The following CTNNB1 variants were observed in gnomAD, a reference collection of about 807,000 sequenced individuals.
CTNNB1 encodes catenin beta-1.
CTNNB1 carries 6 observed loss-of-function variants against 82.5 expected under a neutral mutation model. The observed-to-expected ratio is 0.07, with a 90% CI of 0.04 to 0.14. CTNNB1 has a LOEUF of 0.14. Ranked by LOEUF, CTNNB1 falls within the 10% of genes least tolerant of loss-of-function variation. The probability of loss-of-function intolerance (pLI) is 1.00; values close to 1 mark genes in which losing one functional copy is unlikely to be tolerated. For synonymous variants in CTNNB1, 312 were observed against 329.7 expected (o/e 0.95, Z 0.58); for missense variants, 529 against 980.4 (o/e 0.54, Z 6.15).
chr3:41,234,106 A>C, intron 9 of CTNNB1, 33 bp from the exon 10 acceptor site: 1 of 1,613,922 alleles, frequency 6.2e-7, no homozygotes, highest in Non-Finnish European at 8.5e-7. Flanking sequence ...GATTTTGTTG[A>C]GTTGTATGCC....
Position 41,240,162 on chromosome 3 carries a change from G to A in CTNNB1, c.*820G>A, listed in dbSNP as rs1349631656. On this transcript the variant is annotated 3_prime_UTR_variant, in exon 15 of 15. Transcript: ENST00000349496. The stretch of plus-strand genomic sequence containing the variant: ...AATCTGAATAAAGTGTAACAATTGT[G>A]TAGCCTTTTTGTATAAAATAGACAA... 2 of 205,586 alleles carry A rather than the reference G, an allele frequency of 9.7e-6. No individual in the cohort carries two copies. The highest frequency in any genetic ancestry group is 2.0e-5 in the Non-Finnish European group (2 of 100,360). The allele number at this position is 205,586 out of a possible 1,614,324, so 12.7% of individuals were successfully genotyped here.
At position 41,237,186 on chromosome 3, in the gene CTNNB1, A is replaced by G. The variant is rs140920922; in HGVS notation, c.2076+477A>G. ...AACATCCTGATATTTTATCCATTCT[A>G]TAGAGATCATTGATGGTACACAGAC... On this transcript the variant is annotated intron_variant, in intron 13 of 14. Coordinates refer to ENST00000349496, the MANE Select transcript of CTNNB1 (RefSeq NM_001904.4). 2.1e-4 allele frequency: 43 copies of G among 200,858 alleles called. No individual in the cohort carries two copies. The East Asian group carries it at 5.5e-3, about 26-fold the overall frequency. The allele number at this position is 200,858 out of a possible 1,614,324, so 12.4% of individuals were successfully genotyped here.
chr3:41,231,284 G>A (rs1228902717), intron 7 of CTNNB1, among the ~76,000 whole-genome samples: 2 of 150,688 alleles, frequency 1.3e-5, no homozygotes, highest in African/African-American at 2.4e-5. Flanking sequence ...CTGAGATAGC[G>A]CCACTGCACT....
intron 13 of CTNNB1, 128 bp downstream of exon 13, chr3:41,236,837 C>T (rs1220152248): frequency 1.6e-6 from 2 of 1,257,078 alleles, no homozygotes; most frequent in South Asian, 2.4e-5. Flanking sequence ...AGTATTTCTT[C>T]TTTATGCTGT....
At chr3:41,227,115 T>G in intron 6 of CTNNB1, 93 bp from the exon 7 acceptor site, 1 of 1,130,292 alleles carries the variant, frequency 8.8e-7, no homozygotes, top group South Asian at 1.3e-5. Context: ...TGGCTGAAAT[T>G]CTTGTATAAT....
chr3:41,200,917 A>G (rs2077515538), intron 1 of CTNNB1, among the ~76,000 whole-genome samples: 1 of 152,220 alleles, frequency 6.6e-6, no homozygotes, highest in African/African-American at 2.4e-5. Flanking sequence ...GAATGAAGAA[A>G]GACTAGGCTG....
At chr3:41,230,224 A>G (rs2125633027) in intron 7 of CTNNB1, among the ~76,000 whole-genome samples, 1 of 152,288 alleles carries the variant, frequency 6.6e-6, no homozygotes, top group East Asian at 1.9e-4. Context: ...GAATGAGGGG[A>G]TGGGATGTAA....
intron 8 of CTNNB1, 30 bp downstream of exon 8, chr3:41,233,474 A>C: frequency 6.2e-7 from 1 of 1,613,518 alleles, no homozygotes; most frequent in Non-Finnish European, 8.5e-7. Flanking sequence ...GTGCCATGGG[A>C]ATAGAGTCAA....
At chr3:41,235,656 T>C (rs2078417226) in intron 10 of CTNNB1, 68 bp from the exon 11 acceptor site, 1 of 1,601,028 alleles carries the variant, frequency 6.2e-7, no homozygotes. Context: ...ATAATTACAG[T>C]CTAATAATTG....
Position 41,202,601 on chromosome 3 carries a change from C to T in CTNNB1, c.-49+2931C>T, listed in dbSNP as rs572012632. Reference sequence around the variant, plus strand: ...GTTTGTCCATCGTATGTAGCCATTGCCTCCTTGTACTCTCATTGAGAAGAT... The same window carrying T: ...GTTTGTCCATCGTATGTAGCCATTGTCTCCTTGTACTCTCATTGAGAAGAT... On this transcript the variant is annotated intron_variant, in intron 1 of 14. Transcript: ENST00000349496. Among the ~76,000 whole-genome samples the T allele has an allele frequency of 1.6e-4, 24 of 152,238 alleles. No homozygotes were observed. In the South Asian group the frequency reaches 4.4e-3, roughly 28 times the overall value.
At chr3:41,206,502 T>C (rs2077652207) in intron 1 of CTNNB1, among the ~76,000 whole-genome samples, 1 of 151,928 alleles carries the variant, frequency 6.6e-6, no homozygotes, top group Non-Finnish European at 1.5e-5. Context: ...TTCTTGGGAG[T>C]GCAATTTGAA....
Position 41,234,285 on chromosome 3 carries a change from G to A in CTNNB1, c.1671G>A (p.Gln557=), listed in dbSNP as rs2078379565. The change falls in exon 10 of 15, where the codon CAG becomes CAA. Residue 557 remains glutamine (Q), a synonymous_variant. Coordinates refer to ENST00000349496, the MANE Select transcript of CTNNB1 (RefSeq NM_001904.4). The part of the protein sequence containing the change: ...TQRRTSMGGT[Q]QQFVEGVRME... ...GCCGTACGTCCATGGGTGGGACACA[G>A]CAGCAATTTGTGGTAGGTAAATTCT... is the stretch of plus-strand genomic sequence containing the variant. 5.0e-6 allele frequency: 8 copies of A among 1,614,060 alleles called. No homozygotes were observed. Among genetic ancestry groups the A allele is most frequent in the Non-Finnish European group, 6.8e-6 (8 of 1,180,024 alleles).
rs746131235 is a variant in CTNNB1, at chr3:41,233,588, T to C, written c.1245T>C (p.Asn415=). 6.2e-7 allele frequency: 1 copy of C among 1,614,186 alleles called. No homozygotes were observed. The highest frequency in any genetic ancestry group is 1.1e-5 in the South Asian group (1 of 91,078). Residue 415 remains asparagine (N), a synonymous_variant, in exon 9 of 15, where the codon AAT becomes AAC. Transcript: ENST00000349496. ...LVQLLGSDDI[N]VVTCAAGILS... The stretch of plus-strand genomic sequence containing the variant: ...AGCTTCTGGGTTCAGATGATATAAA[T>C]GTGGTCACCTGTGCAGCTGGAATTC...
intron 10 of CTNNB1, chr3:41,234,968 C>T (rs1212913382): frequency 6.4e-6 from 1 of 155,502 alleles, no homozygotes; most frequent in Non-Finnish European, 1.4e-5. Context: ...TGTATGTACT[C>T]ATATTGGGGC....
At chr3:41,215,542 T>C (rs1387803836) in intron 1 of CTNNB1, among the ~76,000 whole-genome samples, 3 of 152,124 alleles carry the variant, frequency 2.0e-5, no homozygotes, top group Non-Finnish European at 2.9e-5. Context: ...GCTTAATATA[T>C]GCCAAAGCAT....
chr3:41,210,974 G>A (rs1224899827), intron 1 of CTNNB1: 2 of 451,546 alleles, frequency 4.4e-6, no homozygotes, highest in African/African-American at 4.0e-5. Context: ...AAAATTTTTT[G>A]TAGAGACAGG....
Position 41,236,357 on chromosome 3 carries a change from T to C in CTNNB1, c.1812T>C (p.Tyr604=), listed in dbSNP as rs1273378940. Reference sequence around the variant, plus strand: ...TTGTGTTTTCTCCTTAGCTGCTTTATTCTCCCATTGAAAACATCCAAAGAG... The same window carrying C: ...TTGTGTTTTCTCCTTAGCTGCTTTACTCTCCCATTGAAAACATCCAAAGAG... The part of the protein sequence containing the change: ...NTIPLFVQLL[Y]SPIENIQRVA... Residue 604 remains tyrosine (Y), a synonymous_variant, in exon 12 of 15, where the codon TAT becomes TAC. Coordinates refer to ENST00000349496, the MANE Select transcript of CTNNB1 (RefSeq NM_001904.4). 1.2e-6 allele frequency: 2 copies of C among 1,614,212 alleles called. No homozygotes were observed. The highest frequency in any genetic ancestry group is 1.7e-6 in the Non-Finnish European group (2 of 1,180,014).
intron 14 of CTNNB1, among the ~76,000 whole-genome samples, 192 bp from the exon 15 acceptor site, chr3:41,238,942 G>A (rs1407485014): frequency 1.3e-5 from 2 of 150,844 alleles, no homozygotes; most frequent in Non-Finnish European, 3.0e-5. Context: ...TAGTCTCATG[G>A]GTGGCCTGGC....
rs1301457575 is a variant in CTNNB1, at chr3:41,234,654, T to G, written c.1683+357T>G. On this transcript the variant is annotated intron_variant, in intron 10 of 14. Transcript: ENST00000349496. ...AATTTCAGAGCCTCTTACCCTTGCC[T>G]CATCATGCATTTTGACTATAAATAT... The G allele has an allele frequency of 2.5e-5, 7 of 281,562 alleles. No individual in the cohort carries two copies. In the East Asian group the frequency reaches 4.1e-4, roughly 17 times the overall value. The allele number at this position is 281,562 out of a possible 1,614,324, so 17.4% of individuals were successfully genotyped here.
Sources: gnomAD v4.1 joint callset for allele counts (sites outside exome capture counted in the v4.1 genomes callset) on GRCh38, gnomAD v4.1.1 for gene constraint, MANE v1.5 for transcripts, NCBI Gene and HGNC (gene_info 2026-07-23, HGNC 2026-07-21) for gene names.